The following PDE4D variants were observed in gnomAD, a reference collection of about 807,000 sequenced individuals.
The protein encoded by PDE4D is phosphodiesterase 4D.
Under a neutral mutation model 87.4 loss-of-function variants are expected in PDE4D, and 24 were observed. The observed-to-expected ratio is 0.27, with a 90% CI of 0.20 to 0.39. The LOEUF (loss-of-function observed/expected upper bound fraction) is 0.39, where lower values mean the gene tolerates loss of function less well. PDE4D is among the 10% of genes least tolerant of loss of function. The pLI, the probability that PDE4D is intolerant of heterozygous loss-of-function variation, is 1.00. For missense variants in PDE4D, 714 were observed against 1,041.0 expected (o/e 0.69, Z 4.32); for synonymous variants, 384 against 383.2 (o/e 1.00, Z -0.02).
intron 2 of PDE4D, among the ~76,000 whole-genome samples, chr5:60,122,478 C>A (rs1778777315): frequency 6.6e-6 from 1 of 152,252 alleles, no homozygotes; most frequent in South Asian, 2.1e-4. Flanking sequence ...AGGCTGAACA[C>A]CACATGGAAG....
At chr5:59,565,262 T>C (rs1583145783) in intron 1 of PDE4D, among the ~76,000 whole-genome samples, 1 of 152,098 alleles carries the variant, frequency 6.6e-6, no homozygotes, top group Non-Finnish European at 1.5e-5. Flanking sequence ...ATAATGCCTA[T>C]AATCCCAACA....
chr5:60,356,182 C>T (rs893940985), intron 1 of PDE4D, among the ~76,000 whole-genome samples: 1 of 152,134 alleles, frequency 6.6e-6, no homozygotes, highest in Non-Finnish European at 1.5e-5. Context: ...GCCCTTTTAT[C>T]AATCCCCAGG....
intron 1 of PDE4D, among the ~76,000 whole-genome samples, chr5:59,518,193 T>TTGTGTGTGTGTG (rs34669732): frequency 2.7e-5 from 4 of 149,430 alleles, no homozygotes; most frequent in African/African-American, 9.8e-5. Flanking sequence ...ACTTGTGTGT[T>TTGTGTGTGTGTG]TGTGTGTGTG....
chr5:60,472,011 G>A (rs1019787961), intron 1 of PDE4D, among the ~76,000 whole-genome samples: 1 of 152,014 alleles, frequency 6.6e-6, no homozygotes, highest in Non-Finnish European at 1.5e-5. Flanking sequence ...TAGTTATATG[G>A]TTTTGGGCAA....
intron 1 of PDE4D, among the ~76,000 whole-genome samples, chr5:59,798,034 C>T (rs1766690871): frequency 1.3e-5 from 2 of 151,942 alleles, no homozygotes; most frequent in Admixed American, 1.3e-4. Flanking sequence ...CTAGGAGTTA[C>T]TAGCCTGGGC....
At chr5:59,761,670 A>T (rs1426174277) in intron 1 of PDE4D, among the ~76,000 whole-genome samples, 1 of 152,084 alleles carries the variant, frequency 6.6e-6, no homozygotes, top group Non-Finnish European at 1.5e-5. Context: ...GTCCCACTGG[A>T]AGCTCTTCTG....
At chr5:59,312,179 A>G (rs1364073689) in intron 1 of PDE4D, among the ~76,000 whole-genome samples, 3 of 152,204 alleles carry the variant, frequency 2.0e-5, no homozygotes, top group Non-Finnish European at 4.4e-5. Flanking sequence ...ACTTTTGACA[A>G]CTTAGGAAAA....
At chr5:60,246,332 T>C (rs1397108147) in intron 1 of PDE4D, among the ~76,000 whole-genome samples, 1 of 151,780 alleles carries the variant, frequency 6.6e-6, no homozygotes, top group Non-Finnish European at 1.5e-5. Context: ...TTGTTGTCTT[T>C]TAATTTAAAT....
intron 5 of PDE4D, among the ~76,000 whole-genome samples, chr5:59,128,138 G>A (rs370287114): frequency 1.3e-5 from 2 of 150,990 alleles, no homozygotes; most frequent in South Asian, 2.1e-4. Context: ...TTGATATAAG[G>A]CTATTCCCCC....
intron 1 of PDE4D, among the ~76,000 whole-genome samples, chr5:59,889,450 C>T (rs1007317318): frequency 6.6e-5 from 10 of 151,876 alleles, no homozygotes; most frequent in African/African-American, 2.4e-4. Flanking sequence ...CACTGTACTC[C>T]AACCTGGGTG....
At chr5:59,985,830 T>C (rs1762411952) in intron 3 of PDE4D, among the ~76,000 whole-genome samples, 1 of 152,190 alleles carries the variant, frequency 6.6e-6, no homozygotes, top group Non-Finnish European at 1.5e-5. Flanking sequence ...ATATGAAAAG[T>C]CAGCCCATCT....
intron 1 of PDE4D, among the ~76,000 whole-genome samples, chr5:59,881,473 G>A (rs897353785): frequency 2.0e-5 from 3 of 152,070 alleles, no homozygotes; most frequent in African/African-American, 7.2e-5. Flanking sequence ...TTCCAGAGGT[G>A]ATATTTGCAT....
intron 11 of PDE4D, among the ~76,000 whole-genome samples, chr5:58,981,937 G>A (rs1745259766): frequency 6.6e-6 from 1 of 152,146 alleles, no homozygotes; most frequent in Admixed American, 6.5e-5. Flanking sequence ...TTGGTAGTCA[G>A]GATCAGTCAC....
At chr5:60,332,416 A>G (rs1311182105) in intron 1 of PDE4D, among the ~76,000 whole-genome samples, 2 of 152,138 alleles carry the variant, frequency 1.3e-5, no homozygotes, top group African/African-American at 2.4e-5. Context: ...AGCAGCTACC[A>G]CTAATAAGTG....
chr5:59,119,208 A>T (rs1774093535), intron 5 of PDE4D, among the ~76,000 whole-genome samples: 1 of 152,190 alleles, frequency 6.6e-6, no homozygotes, highest in Non-Finnish European at 1.5e-5. Flanking sequence ...CCAAAATCTT[A>T]TTATCATTAT....
intron 1 of PDE4D, among the ~76,000 whole-genome samples, chr5:59,772,433 TCTTAA>T (rs752660750): frequency 1.3e-5 from 2 of 152,226 alleles, no homozygotes; most frequent in Non-Finnish European, 2.9e-5. Flanking sequence ...AGATAACATC[TCTTAA>T]CTTCATGAAA....
intron 1 of PDE4D, among the ~76,000 whole-genome samples, chr5:59,471,788 T>C (rs919558193): frequency 6.6e-6 from 1 of 152,226 alleles, no homozygotes; most frequent in African/African-American, 2.4e-5. Flanking sequence ...TAGAGTGTTG[T>C]CTTTTTGTTT....
intron 1 of PDE4D, among the ~76,000 whole-genome samples, chr5:60,343,930 T>G (rs994499033): frequency 1.3e-5 from 2 of 152,028 alleles, no homozygotes; most frequent in African/African-American, 4.8e-5. Flanking sequence ...GCATAGCCAA[T>G]TAAATTCTCT....
chr5:60,461,984 G>A (rs6878429), intron 1 of PDE4D, among the ~76,000 whole-genome samples: 21,001 of 152,108 alleles, frequency 0.14, 2,837 homozygotes, highest in African/African-American at 0.34. Context: ...TCAAGGATGT[G>A]TTAGAAGCAG....
Sources: allele counts gnomAD v4.1 joint callset (sites outside exome capture counted in the v4.1 genomes callset), GRCh38; gene constraint gnomAD v4.1.1; transcripts MANE v1.5; gene names NCBI Gene and HGNC (gene_info 2026-07-23, HGNC 2026-07-21).